Variants in CCAR2 observed in about 807,000 individuals in gnomAD.
CCAR2 encodes cell cycle and apoptosis regulator protein 2.
A neutral mutation model predicts 108.1 loss-of-function variants in CCAR2; 21 were observed. That is an observed-to-expected ratio of 0.19 (90% CI 0.14 to 0.28). The LOEUF is 0.28. Among genes scored for constraint, CCAR2 ranks in the 10% least tolerant of loss-of-function variants. The pLI is 1.00. For synonymous variants in CCAR2, 577 were observed against 472.8 expected (o/e 1.22, Z -2.86); for missense variants, 1,126 against 1,177.0 (o/e 0.96, Z 0.63).
chr8:22,604,961 C>T (rs902541657), intron 1 of CCAR2, 119 bp downstream of exon 1: 30 of 331,336 alleles, frequency 9.1e-5, no homozygotes, highest in South Asian at 3.8e-4. Context: ...GGCCGAGCCC[C>T]TCTTTGGACT....
At chr8:22,609,803 A>C (rs1012699236) in intron 7 of CCAR2, among the ~76,000 whole-genome samples, 1 of 152,076 alleles carries the variant, frequency 6.6e-6, no homozygotes, top group Admixed American at 6.5e-5. Flanking sequence ...GTTGCATTTG[A>C]TTGTCCTGGA....
At chr8:22,605,579 C>A in intron 1 of CCAR2, 157 bp from the exon 2 acceptor site, 1 of 588,144 alleles carries the variant, frequency 1.7e-6, no homozygotes, top group South Asian at 2.1e-5. Flanking sequence ...TGTTTCATTT[C>A]TTTCTTCTCT....
chr8:22,612,793 C>A, intron 7 of CCAR2: 2 of 425,740 alleles, frequency 4.7e-6, no homozygotes, highest in East Asian at 4.1e-5. Context: ...ACTGTGTATA[C>A]AATGTTGCAG....
chr8:22,618,847 C>A lies in CCAR2; in HGVS notation c.2353C>A (p.Pro785Thr), dbSNP rs150629840. The change falls in exon 19 of 21, where the codon CCT becomes ACT. Residue 785 changes from proline to threonine, a missense_variant. Pro to Thr is a conservative substitution (Grantham distance 38). This residue lies in a region of CCAR2 where 1,013 missense variants were observed against 993.9 expected (regional missense o/e 1.02). Coordinates refer to ENST00000308511, the MANE Select transcript of CCAR2 (RefSeq NM_001393997.1). ...TCTAGGAAACCTGGACCTGCTGCCC[C>A]CTCCTGGGAAAAGCACGAAGCCAGG... Reference protein sequence around the residue: ...VLFGNLDLLPPPGKSTKPGAA... With the variant: ...VLFGNLDLLPTPGKSTKPGAA... 3.0e-5 allele frequency: 48 copies of A among 1,613,716 alleles called. 1 individual carries two copies. The South Asian group carries it at 5.1e-4, about 17-fold the overall frequency.
Position 22,617,736 on chromosome 8 carries a change from C to G in CCAR2, c.2031C>G (p.Ala677=), listed in dbSNP as rs763226185. The G allele has an allele frequency of 1.2e-6, 2 of 1,614,110 alleles. No homozygotes were observed. The highest frequency in any genetic ancestry group is 3.3e-5 in the Admixed American group (2 of 60,022). Residue 677 remains alanine, a synonymous_variant, in exon 16 of 21, where the codon GCC becomes GCG. Coordinates refer to ENST00000308511, the MANE Select transcript of CCAR2 (RefSeq NM_001393997.1). ...AGGATTCGGAGGTCCGGTCCGTTGC[C>G]TCAAACCAGTCAGAGATGGAGTTCT... ...KLEDSEVRSV[A]SNQSEMEFSS...
intron 7 of CCAR2, among the ~76,000 whole-genome samples, chr8:22,611,321 A>G (rs918171902): frequency 3.3e-5 from 5 of 149,618 alleles, no homozygotes; most frequent in African/African-American, 1.2e-4. Context: ...AGATCACGCC[A>G]CTGCATTCCT....
chr8:22,609,128 G>C (rs1368375364), intron 7 of CCAR2, among the ~76,000 whole-genome samples: 1 of 144,916 alleles, frequency 6.9e-6, no homozygotes, highest in Non-Finnish European at 1.5e-5. Context: ...ACGGCTCATT[G>C]CAGCCTTGAT....
At chr8:22,607,902 A>T in intron 6 of CCAR2, 67 bp from the exon 7 acceptor site, 2 of 1,241,216 alleles carry the variant, frequency 1.6e-6, no homozygotes, top group Non-Finnish European at 2.4e-6. Context: ...CTGGGATTAC[A>T]GGTGTGAGCT....
At chr8:22,615,657 G>C (rs1423130311) in intron 12 of CCAR2, 25 bp from the exon 13 acceptor site, 1 of 1,613,740 alleles carries the variant, frequency 6.2e-7, no homozygotes, top group Non-Finnish European at 8.5e-7. Context: ...GGACCCAGAG[G>C]GTCTCATTTC....
At chr8:22,616,465 C>T (rs528557839) in intron 14 of CCAR2, 2 of 583,592 alleles carry the variant, frequency 3.4e-6, no homozygotes, top group South Asian at 2.1e-5. Context: ...AGCACAGAAA[C>T]CCTTGTCACT....
chr8:22,615,398 G>T (rs767089301), intron 11 of CCAR2, 27 bp from the exon 12 acceptor site: 1 of 1,607,310 alleles, frequency 6.2e-7, no homozygotes, highest in South Asian at 1.1e-5. Context: ...CACTAAAGAA[G>T]TTAGTACCTC....
intron 16 of CCAR2, 72 bp downstream of exon 16, chr8:22,617,850 G>A: frequency 6.8e-7 from 1 of 1,480,120 alleles, no homozygotes; most frequent in Non-Finnish European, 9.4e-7. Context: ...CCCACTCCTG[G>A]GAGAAGGATG....
intron 8 of CCAR2, among the ~76,000 whole-genome samples, chr8:22,613,634 G>T (rs720745): frequency 0.41 from 62,948 of 151,942 alleles, 13,988 homozygotes; most frequent in African/African-American, 0.57. Context: ...TCCCCGTGCC[G>T]TTGCCAACAC....
Position 22,618,712 on chromosome 8 carries a change from C to T in CCAR2, c.2316C>T (p.Pro772=), listed in dbSNP as rs200172196. The T allele has an allele frequency of 9.4e-5, 152 of 1,613,992 alleles. No homozygotes were observed. In the East Asian group the frequency reaches 1.2e-3, roughly 13 times the overall value. Residue 772 remains proline, a synonymous_variant, in exon 18 of 21, where the codon CCC becomes CCT. Coordinates refer to ENST00000308511, the MANE Select transcript of CCAR2 (RefSeq NM_001393997.1). ...AGGAGGGCCTGGATGGTGGCCTTCC[C>T]GAGGAGGTGCTCTTCGGTATGTTCT... The part of the protein sequence containing the change: ...SRQEGLDGGL[P]EEVLFGNLDL...
At position 22,619,775 on chromosome 8, in the gene CCAR2, C is replaced by A. The variant is rs2117475588; in HGVS notation, c.*93C>A. ...GTACCAGAAAGCAGCGAGAGCGAGA[C>A]CTGGGAGCCAGGGCAGGGGTGGCTG... On this transcript the variant is annotated 3_prime_UTR_variant, in exon 21 of 21. Transcript: ENST00000308511. 3 of 1,402,776 alleles carry A rather than the reference C, an allele frequency of 2.1e-6. No individual in the cohort carries two copies. Among genetic ancestry groups the A allele is most frequent in the South Asian group, 1.2e-5 (1 of 80,924 alleles). The allele number at this position is 1,402,776 out of a possible 1,614,324, so 86.9% of individuals were successfully genotyped here. A position where few individuals can be genotyped will look rare whatever the true frequency, so the allele number is the denominator to read the frequency against.
At position 22,620,031 on chromosome 8, in the gene CCAR2, C is replaced by G; in HGVS notation, c.*349C>G. 1.0e-5 allele frequency: 3 copies of G among 289,448 alleles called. No individual in the cohort carries two copies. In the South Asian group the frequency reaches 1.4e-4, roughly 13 times the overall value. The allele number at this position is 289,448 out of a possible 1,614,324, so 17.9% of individuals were successfully genotyped here. A position where few individuals can be genotyped will look rare whatever the true frequency, so the allele number is the denominator to read the frequency against. ...TAGAATAAGACAGGGGAGAAAAAGG[C>G]TTTTCGAGTGTGGGACAAGGTCTGA... On this transcript the variant is annotated 3_prime_UTR_variant, in exon 21 of 21. Transcript: ENST00000308511.
intron 7 of CCAR2, among the ~76,000 whole-genome samples, chr8:22,611,943 CTCTTTTT>C (rs1801299410): frequency 7.0e-6 from 1 of 143,278 alleles, no homozygotes; most frequent in Admixed American, 6.7e-5. Context: ...GTAACTGTCT[CTCTTTTT>C]TTTTTTTTTG....
In CCAR2 at chr8:22,619,703, A is replaced by G. The variant is rs200490639; in HGVS notation, c.*21A>G. The G allele has an allele frequency of 8.3e-6, 13 of 1,560,440 alleles. No homozygotes were observed. Among genetic ancestry groups the G allele is most frequent in the African/African-American group, 1.4e-5 (1 of 73,764 alleles). On this transcript the variant is annotated 3_prime_UTR_variant, in exon 21 of 21. Coordinates refer to ENST00000308511, the MANE Select transcript of CCAR2 (RefSeq NM_001393997.1). ...ACTGACGGCCTCGCACGGAACTGCC[A>G]TCCTGTGAGGGCAGCGGTGGCGCCC...
At chr8:22,621,368 C>G, downstream of CCAR2, 1 of 1,571,662 alleles carries the variant, frequency 6.4e-7, no homozygotes, top group Non-Finnish European at 8.6e-7. Flanking sequence ...CTGAGAAGGG[C>G]AAGGATGAAT....
Sources: allele counts gnomAD v4.1 joint callset (sites outside exome capture counted in the v4.1 genomes callset), GRCh38; gene constraint gnomAD v4.1.1; regional missense constraint gnomAD v4.1.1; transcripts MANE v1.5; gene names NCBI Gene and HGNC (gene_info 2026-07-23, HGNC 2026-07-21).